HECW1: variants seen among roughly 807,000 people sequenced by gnomAD.
The protein encoded by HECW1 is HECT, C2 and WW domain containing E3 ubiquitin protein ligase 1.
Under a neutral mutation model 182.3 loss-of-function variants are expected in HECW1, and 61 were observed. The ratio of observed to expected loss-of-function variants is 0.33; its 90% confidence interval spans 0.27 to 0.41. The LOEUF (loss-of-function observed/expected upper bound fraction) is 0.41. HECW1 is among the 10% of genes least tolerant of loss of function. The probability of loss-of-function intolerance (pLI) is 1.00; values close to 1 mark genes in which losing one functional copy is unlikely to be tolerated. For synonymous variants in HECW1, 859 were observed against 832.6 expected, an observed-to-expected ratio of 1.03 and a Z score of -0.55; for missense variants, 1,739 against 2,108.9, an observed-to-expected ratio of 0.82 and a Z score of 3.44.
At chr7:43,338,331 A>T (rs189350519) in intron 5 of HECW1, among the ~76,000 whole-genome samples, 27 of 150,060 alleles carry the variant, frequency 1.8e-4, no homozygotes, top group Admixed American at 1.5e-3. Context: ...CATATTCTTC[A>T]CTCTTGCCTT....
chr7:43,488,368 AAGG>A (rs1563044846), intron 17 of HECW1, among the ~76,000 whole-genome samples: 24 of 134,734 alleles, frequency 1.8e-4, no homozygotes, highest in African/African-American at 5.8e-4. Flanking sequence ...GGAAGGAAGG[AAGG>A]AAGGAAGGAA....
chr7:43,471,833 C>A (rs1185584556), intron 16 of HECW1, among the ~76,000 whole-genome samples: 1 of 152,150 alleles, frequency 6.6e-6, no homozygotes. Flanking sequence ...GGAAGAGACA[C>A]TACTGCAAGA....
rs28561841 is a variant in HECW1, at chr7:43,501,531, G to A, written c.3631+209G>A. Among the ~76,000 whole-genome samples the A allele has an allele frequency of 2.9e-3, 435 of 152,134 alleles. 6 individuals are homozygous for A. The East Asian group carries it at 0.034, about 12-fold the overall frequency. On this transcript the variant is annotated intron_variant, in intron 21 of 29. Coordinates refer to ENST00000395891, the MANE Select transcript of HECW1 (RefSeq NM_015052.5). ...AGAATGGGGTTTACAGTTTGAAATG[G>A]TTGGGAAAAAAATGTTTTGCTGGGC... is the stretch of plus-strand genomic sequence containing the variant.
At chr7:43,116,542 C>A (rs1181604827) in intron 2 of HECW1, among the ~76,000 whole-genome samples, 1 of 152,184 alleles carries the variant, frequency 6.6e-6, no homozygotes, top group Non-Finnish European at 1.5e-5. Context: ...CCTTCCTGGG[C>A]CAGCCAAGCT....
intron 19 of HECW1, among the ~76,000 whole-genome samples, chr7:43,494,652 TG>T (rs2079051018): frequency 6.6e-6 from 1 of 152,068 alleles, no homozygotes; most frequent in African/African-American, 2.4e-5. Context: ...TACAGGCATG[TG>T]CCACCACACC....
chr7:43,518,403 G>A (rs1374499592), intron 24 of HECW1, among the ~76,000 whole-genome samples: 1 of 152,048 alleles, frequency 6.6e-6, no homozygotes, highest in African/African-American at 2.4e-5. Flanking sequence ...GGCTGAGGCA[G>A]GAGAATTGCT....
rs764872831 is a variant in HECW1, at chr7:43,396,824, G to C, written c.566G>C (p.Ser189Thr). The C allele has an allele frequency of 6.2e-7, 1 of 1,611,630 alleles. No homozygotes were observed. Among genetic ancestry groups the C allele is most frequent in the East Asian group, 2.2e-5 (1 of 44,852 alleles). The change falls in exon 7 of 30, where the codon AGC becomes ACC. Residue 189 changes from serine to threonine, a missense_variant. Coordinates refer to ENST00000395891, the MANE Select transcript of HECW1 (RefSeq NM_015052.5). ...VKNSAAPIFK[S>T]IGADETVQGQ... is the part of the protein sequence containing the mutation. ...TCCTTCTTTTTACAGATTTTTAAAAGCATTGGTGCTGATGAGACCGTCCAA... is the reference window on the plus strand; with the variant it reads ...TCCTTCTTTTTACAGATTTTTAAAACCATTGGTGCTGATGAGACCGTCCAA...
At chr7:43,504,020 C>T (rs1037441190) in intron 21 of HECW1, among the ~76,000 whole-genome samples, 5 of 152,142 alleles carry the variant, frequency 3.3e-5, no homozygotes, top group South Asian at 2.1e-4. Flanking sequence ...GGGGCCCCAA[C>T]GCTTCCTTGC....
At chr7:43,558,568 T>C (rs944002012) in intron 29 of HECW1, among the ~76,000 whole-genome samples, 1 of 152,138 alleles carries the variant, frequency 6.6e-6, no homozygotes, top group Non-Finnish European at 1.5e-5. Context: ...GTGCTACTGG[T>C]GTCCATTGAG....
chr7:43,190,868 A>G (rs1793852925), intron 2 of HECW1, among the ~76,000 whole-genome samples: 1 of 152,212 alleles, frequency 6.6e-6, no homozygotes, highest in African/African-American at 2.4e-5. Context: ...TCTGGCTGCT[A>G]ATAGGTCACT....
At chr7:43,414,222 G>A (rs2075908154) in intron 8 of HECW1, among the ~76,000 whole-genome samples, 1 of 150,400 alleles carries the variant, frequency 6.6e-6, no homozygotes, top group Non-Finnish European at 1.5e-5. Flanking sequence ...AAGCAATTGT[G>A]AATGGGAGTT....
At chr7:43,222,693 T>G (rs1031927760) in intron 2 of HECW1, among the ~76,000 whole-genome samples, 2 of 152,154 alleles carry the variant, frequency 1.3e-5, no homozygotes, top group African/African-American at 2.4e-5. Context: ...AAACCTGACA[T>G]GTGTGAGATT....
intron 2 of HECW1, among the ~76,000 whole-genome samples, chr7:43,149,664 G>GT (rs1223633243): frequency 6.6e-6 from 1 of 152,088 alleles, no homozygotes; most frequent in Non-Finnish European, 1.5e-5. Context: ...AAGATAAATG[G>GT]TAACTCTGCC....
chr7:43,462,340 G>A (rs1414069152), intron 13 of HECW1, among the ~76,000 whole-genome samples: 1 of 151,832 alleles, frequency 6.6e-6, no homozygotes, highest in African/African-American at 2.4e-5. Context: ...TCTCCACTCC[G>A]ACACTGGATG....
intron 2 of HECW1, among the ~76,000 whole-genome samples, chr7:43,159,576 C>G (rs1412866741): frequency 2.6e-5 from 4 of 152,012 alleles, no homozygotes; most frequent in Non-Finnish European, 4.4e-5. Context: ...GCCAAATTGT[C>G]CATCAGATAG....
chr7:43,176,787 C>G (rs1354281717), intron 2 of HECW1, among the ~76,000 whole-genome samples: 3 of 152,192 alleles, frequency 2.0e-5, no homozygotes, highest in African/African-American at 7.2e-5. Flanking sequence ...CTTTTGGGGA[C>G]ACATTCAAAC....
chr7:43,178,304 C>T (rs560760636), intron 2 of HECW1, among the ~76,000 whole-genome samples: 4 of 121,836 alleles, frequency 3.3e-5, no homozygotes, highest in East Asian at 2.6e-4. Flanking sequence ...CCGCACCTGG[C>T]CAGCAGGGTT....
At chr7:43,461,244 T>C (rs138769922) in intron 13 of HECW1, among the ~76,000 whole-genome samples, 9 of 152,336 alleles carry the variant, frequency 5.9e-5, no homozygotes, top group African/African-American at 2.2e-4. Flanking sequence ...AGGAGGTTGA[T>C]GCTGGCTGTG....
intron 5 of HECW1, among the ~76,000 whole-genome samples, chr7:43,355,674 G>A (rs1055716213): frequency 6.6e-6 from 1 of 151,938 alleles, no homozygotes; most frequent in African/African-American, 2.4e-5. Flanking sequence ...TAGGAAATAT[G>A]GAAAAAAGGA....
Sources: gnomAD v4.1 joint callset for allele counts (sites outside exome capture counted in the v4.1 genomes callset) on GRCh38, gnomAD v4.1.1 for gene constraint, MANE v1.5 for transcripts, NCBI Gene and HGNC (gene_info 2026-07-23, HGNC 2026-07-21) for gene names.